The following TXNDC5 variants were observed in gnomAD, a reference collection of about 807,000 sequenced individuals.
The protein encoded by TXNDC5 is thioredoxin domain-containing protein 5.
TXNDC5 carries 44 observed loss-of-function variants against 52.6 expected under a neutral mutation model. The ratio of observed to expected loss-of-function variants is 0.84; its 90% CI spans 0.66 to 1.08. TXNDC5 has a LOEUF of 1.08. Ranked by LOEUF, TXNDC5 falls within the 50% of genes least tolerant of loss-of-function variation. The pLI, the probability that TXNDC5 is intolerant of heterozygous loss-of-function variation, is 0.00. For missense variants in TXNDC5, 600 were observed against 565.5 expected (o/e 1.06, Z -0.62); for synonymous variants, 241 against 234.4 (o/e 1.03, Z -0.26).
In TXNDC5 at chr6:7,882,501, A is replaced by G. The variant is rs1187360144; in HGVS notation, c.*643T>C. The G allele has an allele frequency of 2.0e-5, 3 of 152,396 alleles. No individual in the cohort carries two copies. Among genetic ancestry groups the G allele is most frequent in the Non-Finnish European group, 4.4e-5 (3 of 68,172 alleles). 9.4% of individuals were successfully genotyped at this position (152,396 alleles called of 1,614,324 possible). Reference sequence around the variant, plus strand: ...AAGTATCGACACATAAAGTTATGGCATCAGCATTCTCTTACTCAGGCACGG... The same window carrying G: ...AAGTATCGACACATAAAGTTATGGCGTCAGCATTCTCTTACTCAGGCACGG... On this transcript the variant is annotated 3_prime_UTR_variant, in exon 10 of 10. Transcript: ENST00000379757.
chr6:7,907,583 T>C (rs1457348072), intron 1 of TXNDC5, among the ~76,000 whole-genome samples: 1 of 152,220 alleles, frequency 6.6e-6, no homozygotes, highest in Non-Finnish European at 1.5e-5. Flanking sequence ...CCCCAGCCCC[T>C]TAATCACACG....
At chr6:7,888,393 A>G (rs993580197) in intron 7 of TXNDC5, among the ~76,000 whole-genome samples, 8 of 152,224 alleles carry the variant, frequency 5.3e-5, no homozygotes, top group African/African-American at 1.7e-4. Context: ...CAGCAGAGTC[A>G]TTCTTTAAAA....
rs1430303496 is a variant in TXNDC5 at position 7,882,762 on chromosome 6, T to C, written c.*382A>G. On this transcript the variant is annotated 3_prime_UTR_variant, in exon 10 of 10. Transcript: ENST00000379757. ...CCAGAACTCGTGGGCAGGTAAACTA[T>C]GCTTTGGATGTGCTTTCTTTCACCA... 1 of 194,298 alleles carries C rather than the reference T, an allele frequency of 5.1e-6. No homozygotes were observed. The highest frequency in any genetic ancestry group is 2.3e-5 in the African/African-American group (1 of 42,746). The allele number at this position is 194,298 out of a possible 1,614,324, so 12.0% of individuals were successfully genotyped here.
chr6:7,893,526 G>A (rs994383558), intron 4 of TXNDC5, among the ~76,000 whole-genome samples: 7 of 152,204 alleles, frequency 4.6e-5, no homozygotes, highest in Admixed American at 6.5e-5. Flanking sequence ...TTAGGGAGGC[G>A]CTGGCTAGGC....
rs183274596 is a variant in TXNDC5, at chr6:7,886,384, G to T, written c.964-341C>A. On this transcript the variant is annotated intron_variant, in intron 7 of 9. Coordinates refer to ENST00000379757, the MANE Select transcript of TXNDC5 (RefSeq NM_030810.5). ...AAAACTCTCCAGGGCGCTGTGGTGT[G>T]GACCAGGCAGCCCTGGGTGTCTGAC... is the stretch of plus-strand genomic sequence containing the variant. Among the ~76,000 whole-genome samples, 10 of 152,198 alleles carry T rather than the reference G, an allele frequency of 6.6e-5. No homozygotes were observed. The East Asian group carries it at 1.9e-3, about 29-fold the overall frequency.
chr6:7,887,180 G>T (rs1297604397), intron 7 of TXNDC5, among the ~76,000 whole-genome samples: 2 of 151,968 alleles, frequency 1.3e-5, no homozygotes, highest in East Asian at 3.9e-4. Context: ...GGGGTGAGGA[G>T]GCCTGGTGTG....
intron 4 of TXNDC5, among the ~76,000 whole-genome samples, chr6:7,893,541 C>T (rs546790272): frequency 3.9e-5 from 6 of 152,260 alleles, no homozygotes; most frequent in South Asian, 4.1e-4. Flanking sequence ...CTAGGCCTGC[C>T]GGAGTCGGTC....
chr6:7,886,906 CG>C (rs1403325008), intron 7 of TXNDC5, among the ~76,000 whole-genome samples: 1 of 152,090 alleles, frequency 6.6e-6, no homozygotes, highest in Non-Finnish European at 1.5e-5. Context: ...AGAAACATGA[CG>C]CCACACGCAC....
At chr6:7,910,404 G>C in intron 1 of TXNDC5, 110 bp downstream of exon 1, 2 of 1,170,068 alleles carry the variant, frequency 1.7e-6, no homozygotes, top group Non-Finnish European at 2.1e-6. Flanking sequence ...CCGCAGACCA[G>C]AGCCGTCGGC....
chr6:7,889,455 A>G lies in TXNDC5; in HGVS notation c.819+40T>C, dbSNP rs770403407. ...TCAGTAGCTCAGCCTGATGGGGTTAAGAGATGAAGAATTCTCAGTACTAAG... is the reference window on the plus strand; with the variant it reads ...TCAGTAGCTCAGCCTGATGGGGTTAGGAGATGAAGAATTCTCAGTACTAAG... On this transcript the variant is annotated intron_variant, in intron 6 of 9. Coordinates refer to ENST00000379757, the MANE Select transcript of TXNDC5 (RefSeq NM_030810.5). 4 of 1,570,288 alleles carry G rather than the reference A, an allele frequency of 2.5e-6. No homozygotes were observed. In the South Asian group the frequency reaches 4.5e-5, roughly 17 times the overall value.
At chr6:7,890,355 C>T (rs1011145409) in intron 5 of TXNDC5, among the ~76,000 whole-genome samples, 4 of 152,086 alleles carry the variant, frequency 2.6e-5, no homozygotes, top group African/African-American at 4.8e-5. Context: ...AGCTAAGGTG[C>T]GGAACTGAAG....
intron 4 of TXNDC5, 24 bp from the exon 5 acceptor site, chr6:7,891,760 G>A: frequency 1.3e-6 from 2 of 1,551,184 alleles, no homozygotes; most frequent in Non-Finnish European, 1.8e-6. Flanking sequence ...CCAAGGCAGA[G>A]ACGGGGGAAA....
At chr6:7,893,379 G>A (rs1428682127) in intron 4 of TXNDC5, among the ~76,000 whole-genome samples, 1 of 152,264 alleles carries the variant, frequency 6.6e-6, no homozygotes, top group Non-Finnish European at 1.5e-5. Flanking sequence ...GAAACCATGT[G>A]CAGGTGCACA....
At chr6:7,895,329 G>T in intron 3 of TXNDC5, 127 bp from the exon 4 acceptor site, 3 of 780,096 alleles carry the variant, frequency 3.8e-6, no homozygotes, top group Non-Finnish European at 6.2e-6. Context: ...TGGAACCCTT[G>T]TACGATGCTG....
rs1760092439 is a variant in TXNDC5 at position 7,888,789 on chromosome 6, C to A, written c.879G>T (p.Gln293His). Residue 293 changes from glutamine to histidine, a missense_variant, in exon 7 of 10, where the codon CAG becomes CAT. Physicochemically the swap from Gln to His is conservative, Grantham distance 24. Transcript: ENST00000379757. ...TCGCTCCAGTCTCTGTGCGCTGCAGCTGCGACTCCACGTACTCCCTCAGTG... is the reference window on the plus strand; with the variant it reads ...TCGCTCCAGTCTCTGTGCGCTGCAGATGCGACTCCACGTACTCCCTCAGTG... ...LESLREYVES[Q>H]LQRTETGATE... 1 of 1,614,054 alleles carries A rather than the reference C, an allele frequency of 6.2e-7. No homozygotes were observed. The highest frequency in any genetic ancestry group is 1.3e-5 in the African/African-American group (1 of 74,944).
At chr6:7,909,757 C>T in intron 1 of TXNDC5, 1 of 985,980 alleles carries the variant, frequency 1.0e-6, no homozygotes, top group Non-Finnish European at 1.2e-6. Context: ...CAACCCTCCT[C>T]TGCCCGGACC....
In TXNDC5 at chr6:7,888,750, C is replaced by T. The variant is rs539450433; in HGVS notation, c.918G>A (p.Thr306=). The T allele has an allele frequency of 1.2e-5, 19 of 1,613,914 alleles. No homozygotes were observed. The highest frequency in any genetic ancestry group is 1.1e-4 in the South Asian group (10 of 91,046). ...RTETGATETV[T]PSEAPVLAAE... ...CTGCCAGCACCGGGGCCTCTGAGGG[C>T]GTGACGGTCTCCGTCGCTCCAGTCT... The change falls in exon 7 of 10, where the codon ACG becomes ACA. Residue 306 remains threonine (T), a synonymous_variant. Transcript: ENST00000379757.
intron 1 of TXNDC5, among the ~76,000 whole-genome samples, chr6:7,906,673 C>CAAA (rs150982478): frequency 1.1e-4 from 14 of 131,196 alleles, no homozygotes; most frequent in African/African-American, 3.9e-4. Flanking sequence ...TACTCAGATA[C>CAAA]AAAAAAAAAA....
At chr6:7,891,236 G>A (rs968519931) in intron 5 of TXNDC5, among the ~76,000 whole-genome samples, 1 of 152,158 alleles carries the variant, frequency 6.6e-6, no homozygotes, top group Non-Finnish European at 1.5e-5. Context: ...GTGCTTGGGG[G>A]AGCACAGAGC....
Sources: allele counts gnomAD v4.1 joint callset (sites outside exome capture counted in the v4.1 genomes callset), GRCh38; gene constraint gnomAD v4.1.1; transcripts MANE v1.5; gene names NCBI Gene and HGNC (gene_info 2026-07-23, HGNC 2026-07-21).